The following SORCS2 variants were observed in gnomAD, a reference collection of about 807,000 sequenced individuals.
The protein encoded by SORCS2 is sortilin related VPS10 domain containing receptor 2.
In SORCS2, 100 loss-of-function variants were observed where a neutral mutation model predicts 141.6. The observed-to-expected ratio is 0.71, with a 90% CI of 0.60 to 0.83. The LOEUF is 0.83. Among genes scored for constraint, SORCS2 ranks in the 40% least tolerant of loss-of-function variants. SORCS2 has a pLI of 0.00. For synonymous variants in SORCS2, 789 were observed against 676.9 expected (o/e 1.17, Z -2.57); for missense variants, 1,646 against 1,560.2 (o/e 1.05, Z -0.93).
At chr4:7,498,155 T>C (rs1176974790) in intron 2 of SORCS2, among the ~76,000 whole-genome samples, 1 of 152,130 alleles carries the variant, frequency 6.6e-6, no homozygotes, top group African/African-American at 2.4e-5. Context: ...AGGGAAGGAT[T>C]GGGGTTCCTC....
Position 7,193,227 on chromosome 4 carries a change from A to T in SORCS2, c.480+101A>T, listed in dbSNP as rs1726957986. 2.3e-6 allele frequency: 3 copies of T among 1,284,244 alleles called. No homozygotes were observed. Among genetic ancestry groups the T allele is most frequent in the Admixed American group, 4.0e-5 (1 of 24,862 alleles). 79.6% of individuals were successfully genotyped at this position (1,284,244 alleles called of 1,614,324 possible). A position where few individuals can be genotyped will look rare whatever the true frequency, so the allele number is the denominator to read the frequency against. On this transcript the variant is annotated intron_variant, in intron 1 of 26. Coordinates refer to ENST00000507866, the MANE Select transcript of SORCS2 (RefSeq NM_020777.3). The surrounding 1 kb of genome is among the most constrained non-coding windows in gnomAD (Gnocchi z 4.8). Reference sequence around the variant, plus strand: ...CCCACCCCAGATCCCCACTATGGTCATCAGGGGCGGGTTCTTGGCGACTTG... The same window carrying T: ...CCCACCCCAGATCCCCACTATGGTCTTCAGGGGCGGGTTCTTGGCGACTTG...
intron 3 of SORCS2, among the ~76,000 whole-genome samples, chr4:7,547,660 C>T (rs956900998): frequency 2.0e-5 from 3 of 152,206 alleles, no homozygotes; most frequent in African/African-American, 7.2e-5. Context: ...ACCCACCTCC[C>T]TCCCAACCCC....
chr4:7,485,545 C>T (rs949021919), intron 2 of SORCS2, among the ~76,000 whole-genome samples: 6 of 152,242 alleles, frequency 3.9e-5, no homozygotes, highest in Non-Finnish European at 7.3e-5. Context: ...TTCTCCCTGG[C>T]GGCTCTTGTT....
intron 1 of SORCS2, among the ~76,000 whole-genome samples, chr4:7,327,306 C>A (rs1012808802): frequency 1.3e-5 from 2 of 152,212 alleles, no homozygotes; most frequent in East Asian, 1.9e-4. Flanking sequence ...CCGGTGGCTC[C>A]TGGCGAGGCT....
At chr4:7,203,981 G>T (rs1443730093) in intron 1 of SORCS2, among the ~76,000 whole-genome samples, 2 of 152,140 alleles carry the variant, frequency 1.3e-5, no homozygotes, top group African/African-American at 4.8e-5. Context: ...GCTGTAGCAG[G>T]TGCCAGAATT....
chr4:7,261,424 G>A (rs774533516), intron 1 of SORCS2, among the ~76,000 whole-genome samples: 13 of 152,208 alleles, frequency 8.5e-5, no homozygotes, highest in African/African-American at 2.7e-4. Context: ...CCATGCCTGC[G>A]TGGCCAAGGC....
chr4:7,615,180 C>T (rs1718681704), intron 3 of SORCS2, among the ~76,000 whole-genome samples: 2 of 152,218 alleles, frequency 1.3e-5, no homozygotes, highest in African/African-American at 2.4e-5. Flanking sequence ...CATCCATCTG[C>T]CTTCCTTCAC....
intron 3 of SORCS2, among the ~76,000 whole-genome samples, chr4:7,599,574 G>A (rs942198741): frequency 7.2e-5 from 11 of 152,170 alleles, no homozygotes; most frequent in East Asian, 1.9e-4. Flanking sequence ...TGCTGTTGAC[G>A]TCTGTCCCTG....
At chr4:7,620,981 C>A (rs1240059912) in intron 3 of SORCS2, among the ~76,000 whole-genome samples, 1 of 152,170 alleles carries the variant, frequency 6.6e-6, no homozygotes, top group East Asian at 1.9e-4. Flanking sequence ...AGCCCACCAC[C>A]AAGAGGCCCA....
At position 7,740,679 on chromosome 4, in the gene SORCS2, G is replaced by C; in HGVS notation, c.*415G>C. ...CGTTGCGGGCTCCTTCCCCGCAGAG[G>C]CCGGGGCCTCCCTGACTTTGCTTCT... On this transcript the variant is annotated 3_prime_UTR_variant, in exon 27 of 27. Transcript: ENST00000507866. 3.6e-6 allele frequency: 1 copy of C among 275,794 alleles called. No individual in the cohort carries two copies. 17.1% of individuals were successfully genotyped at this position (275,794 alleles called of 1,614,324 possible).
At chr4:7,203,191 G>T (rs937443539) in intron 1 of SORCS2, among the ~76,000 whole-genome samples, 1 of 152,202 alleles carries the variant, frequency 6.6e-6, no homozygotes, top group African/African-American at 2.4e-5. Flanking sequence ...CAACACTTTG[G>T]GAGGCCGAGG....
intron 3 of SORCS2, among the ~76,000 whole-genome samples, chr4:7,549,328 G>C (rs994717163): frequency 6.6e-6 from 1 of 152,070 alleles, no homozygotes; most frequent in African/African-American, 2.4e-5. Flanking sequence ...GGAACTCCCA[G>C]CCTGCCTTTT....
intron 8 of SORCS2, among the ~76,000 whole-genome samples, chr4:7,669,760 C>G (rs1722690942): frequency 6.6e-6 from 1 of 152,216 alleles, no homozygotes; most frequent in Non-Finnish European, 1.5e-5. Flanking sequence ...TCTTGGTCTC[C>G]CGGCATTCCT....
chr4:7,364,165 C>T (rs79133021), intron 1 of SORCS2, among the ~76,000 whole-genome samples: 4,061 of 152,244 alleles, frequency 0.027, 139 homozygotes, highest in East Asian at 0.11. Context: ...ATCATCTGTA[C>T]AATTTGTGAA....
chr4:7,535,977 C>G lies in SORCS2; in HGVS notation c.648+4348C>G, dbSNP rs570564544. Among the ~76,000 whole-genome samples the G allele has an allele frequency of 6.6e-5, 10 of 152,364 alleles. No individual in the cohort carries two copies. The East Asian group carries it at 1.9e-3, about 29-fold the overall frequency. The stretch of plus-strand genomic sequence containing the variant: ...GGGCAGCGATTTGTTATCTAACTAA[C>G]AGGGCGGCATATGTTTCCCTGTGAT... On this transcript the variant is annotated intron_variant, in intron 3 of 26. Coordinates refer to ENST00000507866, the MANE Select transcript of SORCS2 (RefSeq NM_020777.3).
chr4:7,707,331 C>T (rs1441772785), intron 14 of SORCS2, among the ~76,000 whole-genome samples: 1 of 152,206 alleles, frequency 6.6e-6, no homozygotes, highest in African/African-American at 2.4e-5. Context: ...TGCCTCCCAG[C>T]TCCTGGCCAA....
chr4:7,466,271 C>T (rs1729609688), intron 2 of SORCS2, among the ~76,000 whole-genome samples: 2 of 152,122 alleles, frequency 1.3e-5, no homozygotes, highest in South Asian at 4.1e-4. Context: ...GCTCCTGCCT[C>T]CTTGTGGCTC....
At chr4:7,434,546 C>T (rs1727152136) in intron 2 of SORCS2, 1 of 1,613,378 alleles carries the variant, frequency 6.2e-7, no homozygotes, top group East Asian at 2.2e-5. Flanking sequence ...CTGTGGGCAT[C>T]CACCATCCAC....
intron 1 of SORCS2, among the ~76,000 whole-genome samples, chr4:7,339,810 C>T (rs570439280): frequency 1.3e-5 from 2 of 152,298 alleles, no homozygotes; most frequent in South Asian, 2.1e-4. Flanking sequence ...TTCATATTTG[C>T]AAATCCTGGG....
Sources: allele counts gnomAD v4.1 joint callset (sites outside exome capture counted in the v4.1 genomes callset), GRCh38; gene constraint gnomAD v4.1.1; non-coding constraint Gnocchi (gnomAD v3.1); transcripts MANE v1.5; gene names NCBI Gene and HGNC (gene_info 2026-07-23, HGNC 2026-07-21).